The following CROCC variants were observed in gnomAD, a reference collection of about 807,000 sequenced individuals.
CROCC encodes the protein rootletin.
In CROCC, 180 loss-of-function variants were observed where a neutral mutation model predicts 245.2. The observed-to-expected ratio is 0.73, with a 90% CI of 0.65 to 0.83. The LOEUF (loss-of-function observed/expected upper bound fraction) is 0.83, where lower values mean the gene tolerates loss of function less well. Among genes scored for constraint, CROCC ranks in the 40% least tolerant of loss-of-function variants. The pLI, the probability that CROCC is intolerant of heterozygous loss-of-function variation, is 0.00. For missense variants in CROCC, 2,688 were observed against 2,779.4 expected, an observed-to-expected ratio of 0.97 and a Z score of 0.74; for synonymous variants, 1,205 against 1,241.6, an observed-to-expected ratio of 0.97 and a Z score of 0.62.
At chr1:16,971,210 AGTGTGTGTGTGTGTGTGTGTGT>A (rs34364208) in intron 35 of CROCC, among the ~76,000 whole-genome samples, 3 of 144,024 alleles carry the variant, frequency 2.1e-5, no homozygotes, top group Admixed American at 1.4e-4. Context: ...ATGATGTCTG[AGTGTGTGTGTGTGTGTGTGTGT>A]GTGTGTGTGT....
At chr1:16,957,713 G>C (rs552119759) in intron 25 of CROCC, among the ~76,000 whole-genome samples, 1 of 152,214 alleles carries the variant, frequency 6.6e-6, no homozygotes, top group African/African-American at 2.4e-5. Flanking sequence ...CCAAAGTGCT[G>C]GGATTACAGG....
chr1:16,920,267 CG>C (rs2075376171), upstream of CROCC, among the ~76,000 whole-genome samples: 1 of 152,200 alleles, frequency 6.6e-6, no homozygotes, highest in African/African-American at 2.4e-5. Flanking sequence ...TTAATAGAGA[CG>C]GGGTTTCACC....
At position 16,924,336 on chromosome 1, in the gene CROCC, G is replaced by A. The variant is rs781681748; in HGVS notation, c.208G>A (p.Ala70Thr). Residue 70 changes from alanine (A) to threonine (T), a missense_variant, in exon 3 of 37, where the codon GCC becomes ACC. Transcript: ENST00000375541. ...SQPESPVLLPATEMASLLSLQ... is the reference protein window; with the variant it reads ...SQPESPVLLPTTEMASLLSLQ... Reference sequence around the variant, plus strand: ...CTGTCCCTTGCCAGTCCTGCTGCCGGCCACAGAGATGGCATCGCTGCTGTC... The same window carrying A: ...CTGTCCCTTGCCAGTCCTGCTGCCGACCACAGAGATGGCATCGCTGCTGTC... The A allele has an allele frequency of 4.3e-6, 7 of 1,612,532 alleles. No homozygotes were observed. The Admixed American group carries it at 5.0e-5, about 12-fold the overall frequency.
chr1:16,954,294 C>T lies in CROCC; in HGVS notation c.3258C>T (p.Ala1086=). Residue 1086 remains alanine, a synonymous_variant, in exon 22 of 37, where the codon GCC becomes GCT. Transcript: ENST00000375541. The surrounding 1 kb of genome is among the most constrained non-coding windows in gnomAD (Gnocchi z 4.4). ...EKLMGTRHSL[A]TISLEMERQK... ...TGATGGGTACACGGCACAGCCTGGC[C>T]ACCATCTCCCTGGAGATGGAGCGGC... is the stretch of plus-strand genomic sequence containing the variant. The T allele has an allele frequency of 3.1e-6, 5 of 1,612,074 alleles. No homozygotes were observed. The highest frequency in any genetic ancestry group is 1.1e-5 in the South Asian group (1 of 90,996).
chr1:16,947,194 C>T (rs568946844), intron 17 of CROCC, among the ~76,000 whole-genome samples: 1 of 152,272 alleles, frequency 6.6e-6, no homozygotes, highest in African/African-American at 2.4e-5. Context: ...AACATGGGGC[C>T]AGCCAGGCGC....
At chr1:16,970,167 G>A (rs1477322454) in intron 33 of CROCC, 86 bp from the exon 34 acceptor site, 3 of 1,371,166 alleles carry the variant, frequency 2.2e-6, no homozygotes, top group Non-Finnish European at 2.9e-6. Flanking sequence ...CCTGCTCTGT[G>A]AGTGGGCCAG....
chr1:16,969,770 G>GCCCCTGTC lies in CROCC; in HGVS notation c.5302-10_5302-3dup. On this transcript the variant is annotated splice_polypyrimidine_tract_variant and intron_variant, in intron 32 of 36. Transcript: ENST00000375541. ...CTCCCAGGCCAGCCAGGCACCATCA[G>GCCCCTGTC]CCCCTGTCCCCCAGGAACGGCTGGA... is the stretch of plus-strand genomic sequence containing the variant. 1 of 1,609,586 alleles carries GCCCCTGTC rather than the reference G, an allele frequency of 6.2e-7. No individual in the cohort carries two copies. Among genetic ancestry groups the GCCCCTGTC allele is most frequent in the Non-Finnish European group, 8.5e-7 (1 of 1,178,138 alleles).
chr1:16,966,333 C>G lies in CROCC; in HGVS notation c.4697-75C>G, dbSNP rs2076417239. 5 of 1,460,852 alleles carry G rather than the reference C, an allele frequency of 3.4e-6. No individual in the cohort carries two copies. Among genetic ancestry groups the G allele is most frequent in the Non-Finnish European group, 3.6e-6 (4 of 1,103,246 alleles). 90.5% of individuals were successfully genotyped at this position (1,460,852 alleles called of 1,614,324 possible). A position where few individuals can be genotyped will look rare whatever the true frequency, so the allele number is the denominator to read the frequency against. On this transcript the variant is annotated intron_variant, in intron 29 of 36. Coordinates refer to ENST00000375541, the MANE Select transcript of CROCC (RefSeq NM_014675.5). The surrounding 1 kb of genome is among the most constrained non-coding windows in gnomAD (Gnocchi z 4.8). ...GGCCCTGCACTGGGTGGAGTGCAGGCTGGACATTTTGTGACCTGGTTTGGG... is the reference window on the plus strand; with the variant it reads ...GGCCCTGCACTGGGTGGAGTGCAGGGTGGACATTTTGTGACCTGGTTTGGG...
At chr1:16,947,994 A>G (rs2076087326) in intron 17 of CROCC, among the ~76,000 whole-genome samples, 1 of 152,240 alleles carries the variant, frequency 6.6e-6, no homozygotes, top group South Asian at 2.1e-4. Flanking sequence ...GTGCACCACC[A>G]CGCCCGGCTA....
At position 16,946,345 on chromosome 1, in the gene CROCC, G is replaced by C. The variant is rs762819944; in HGVS notation, c.2223G>C (p.Leu741=). Residue 741 remains leucine (L), a synonymous_variant, in exon 16 of 37, where the codon CTG becomes CTC. Coordinates refer to ENST00000375541, the MANE Select transcript of CROCC (RefSeq NM_014675.5). ...EASLQDSLSK[L]SALNESLAQD... ...CCCTGCAGGACTCCCTGTCCAAGCT[G>C]AGCGCCCTCAACGAGAGCCTTGCTC... The C allele has an allele frequency of 6.8e-6, 11 of 1,613,318 alleles. No homozygotes were observed. The highest frequency in any genetic ancestry group is 9.3e-6 in the Non-Finnish European group (11 of 1,180,018).
intron 21 of CROCC, 110 bp downstream of exon 21, chr1:16,953,591 T>C (rs1411169088): frequency 9.7e-5 from 101 of 1,036,124 alleles, no homozygotes; most frequent in Middle Eastern, 3.2e-4. Flanking sequence ...GCCACTGCCC[T>C]CTTGGGGGCC....
rs183137445 is a variant in CROCC, at chr1:16,972,514, C to G, written c.*68C>G. 1.3e-3 allele frequency: 1,348 copies of G among 1,052,164 alleles called. 39 individuals carry two copies. The East Asian group carries it at 0.037, about 29-fold the overall frequency. The allele number at this position is 1,052,164 out of a possible 1,614,324, so 65.2% of individuals were successfully genotyped here. A position where few individuals can be genotyped will look rare whatever the true frequency, so the allele number is the denominator to read the frequency against. On this transcript the variant is annotated 3_prime_UTR_variant, in exon 37 of 37. Transcript: ENST00000375541. ...GGGAGGACCCTTCTTTTGGACAGCC[C>G]CCCCACCCAGAGCCCGGTCCCTTGG...
At chr1:16,921,345 G>C (rs1202393956), upstream of CROCC, among the ~76,000 whole-genome samples, 1 of 152,394 alleles carries the variant, frequency 6.6e-6, no homozygotes, top group East Asian at 1.9e-4. Flanking sequence ...GTAGTTCGAG[G>C]CTCTACCACT....
rs137905506 is a variant in CROCC at position 16,930,289 on chromosome 1, A to G, written c.625A>G (p.Thr209Ala). The change falls in exon 6 of 37, where the codon ACA becomes GCA. Residue 209 changes from threonine (T) to alanine (A), a missense_variant. By Grantham distance (58) the Thr-to-Ala change is moderately conservative. Coordinates refer to ENST00000375541, the MANE Select transcript of CROCC (RefSeq NM_014675.5). ...CTTTAACCTCTCTCCCACCCAGGAC[A>G]CAGAGCACAGCCAAGACCTGGAAAG... The part of the protein sequence containing the change: ...GELEQQRLRD[T>A]EHSQDLESAL... 2.1e-3 allele frequency: 3,410 copies of G among 1,603,816 alleles called. 7 individuals are homozygous for G. The highest frequency in any genetic ancestry group is 0.015 in the African/African-American group (1,098 of 74,610).
In CROCC at chr1:16,954,275, G is replaced by A; in HGVS notation, c.3239G>A (p.Gly1080Asp). The A allele has an allele frequency of 1.2e-6, 2 of 1,611,974 alleles. No homozygotes were observed. Among genetic ancestry groups the A allele is most frequent in the Non-Finnish European group, 1.7e-6 (2 of 1,179,886 alleles). Residue 1080 changes from glycine (G) to aspartate (D), a missense_variant, in exon 22 of 37, where the codon GGT becomes GAT. Physicochemically the swap from Gly to Asp is moderately conservative, Grantham distance 94. Coordinates refer to ENST00000375541, the MANE Select transcript of CROCC (RefSeq NM_014675.5). This position sits in a 1 kb window ranked among gnomAD's most constrained non-coding sequence, Gnocchi z 4.4. Reference sequence around the variant, plus strand: ...ACGGCGCTGTCAGAGAAGTTGATGGGTACACGGCACAGCCTGGCCACCATC... The same window carrying A: ...ACGGCGCTGTCAGAGAAGTTGATGGATACACGGCACAGCCTGGCCACCATC... Reference protein sequence around the residue: ...EKTALSEKLMGTRHSLATISL... With the variant: ...EKTALSEKLMDTRHSLATISL...
Position 16,966,322 on chromosome 1 carries a change from T to C in CROCC, c.4697-86T>C. The C allele has an allele frequency of 7.0e-7, 1 of 1,438,502 alleles. No homozygotes were observed. Among genetic ancestry groups the C allele is most frequent in the African/African-American group, 1.4e-5 (1 of 70,418 alleles). 89.1% of individuals were successfully genotyped at this position (1,438,502 alleles called of 1,614,324 possible). On this transcript the variant is annotated intron_variant, in intron 29 of 36. Coordinates refer to ENST00000375541, the MANE Select transcript of CROCC (RefSeq NM_014675.5). This position sits in a 1 kb window ranked among gnomAD's most constrained non-coding sequence, Gnocchi z 4.8. ...GCAGACAGTCTGGCCCTGCACTGGG[T>C]GGAGTGCAGGCTGGACATTTTGTGA...
chr1:16,971,420 ACACT>A (rs1015435521), intron 35 of CROCC, 41 bp from the exon 36 acceptor site: 16 of 1,493,718 alleles, frequency 1.1e-5, no homozygotes, highest in African/African-American at 4.2e-5. Context: ...ATGCACACAC[ACACT>A]CACACTGGGC....
intron 1 of CROCC, among the ~76,000 whole-genome samples, chr1:16,916,533 G>T (rs1392208603): frequency 2.0e-5 from 3 of 152,286 alleles, no homozygotes; most frequent in African/African-American, 4.8e-5. Flanking sequence ...TTGAGACAGG[G>T]TCTTGCTCTG....
intron 1 of CROCC, among the ~76,000 whole-genome samples, chr1:16,916,230 A>AAAGT (rs2075302681): frequency 6.6e-6 from 1 of 152,060 alleles, no homozygotes; most frequent in South Asian, 2.1e-4. Context: ...TGAGGTGGGA[A>AAAGT]AAGTGGAGTG....
Sources: gnomAD v4.1 joint callset for allele counts (sites outside exome capture counted in the v4.1 genomes callset) on GRCh38, gnomAD v4.1.1 for gene constraint, Gnocchi (gnomAD v3.1) non-coding constraint, MANE v1.5 for transcripts, NCBI Gene and HGNC (gene_info 2026-07-23, HGNC 2026-07-21) for gene names.